HSPA12A: variants seen among roughly 807,000 people sequenced by gnomAD.
The protein encoded by HSPA12A is heat shock protein family A (Hsp70) member 12A.
A neutral mutation model predicts 69.2 loss-of-function variants in HSPA12A; 28 were observed. The ratio of observed to expected loss-of-function variants is 0.40; its 90% CI spans 0.30 to 0.55. The LOEUF (loss-of-function observed/expected upper bound fraction) is 0.55. HSPA12A is among the 20% of genes least tolerant of loss of function. HSPA12A has a pLI of 0.38. For missense variants in HSPA12A, 686 were observed against 900.7 expected, an observed-to-expected ratio of 0.76 and a Z score of 3.05; for synonymous variants, 345 against 370.5, an observed-to-expected ratio of 0.93 and a Z score of 0.79.
chr10:116,781,856 C>T (rs1844471815), intron 2 of HSPA12A, among the ~76,000 whole-genome samples: 1 of 152,120 alleles, frequency 6.6e-6, no homozygotes. Context: ...TAAAACAAGT[C>T]TTCAAACATG....
chr10:116,816,272 C>T (rs531473220), intron 2 of HSPA12A, among the ~76,000 whole-genome samples: 4 of 152,332 alleles, frequency 2.6e-5, no homozygotes, highest in Admixed American at 6.5e-5. Flanking sequence ...CCCTGACAGA[C>T]GAGTGACTAT....
chr10:116,702,668 G>A (rs529767287), intron 3 of HSPA12A, among the ~76,000 whole-genome samples: 1 of 152,272 alleles, frequency 6.6e-6, no homozygotes, highest in Admixed American at 6.5e-5. Flanking sequence ...GTCATTAACA[G>A]TGACATTATC....
At chr10:116,787,421 T>C (rs942901022) in intron 2 of HSPA12A, among the ~76,000 whole-genome samples, 3 of 119,330 alleles carry the variant, frequency 2.5e-5, no homozygotes, top group Non-Finnish European at 4.8e-5. Flanking sequence ...ATCCACATAC[T>C]AGAATACTCT....
At chr10:116,762,887 C>A (rs1166023656) in intron 2 of HSPA12A, among the ~76,000 whole-genome samples, 1 of 152,168 alleles carries the variant, frequency 6.6e-6, no homozygotes, top group Non-Finnish European at 1.5e-5. Context: ...TCCTCTTACT[C>A]TTTCAAAATT....
chr10:116,757,640 G>A (rs1003929210), intron 2 of HSPA12A, among the ~76,000 whole-genome samples: 2 of 152,200 alleles, frequency 1.3e-5, no homozygotes, highest in Non-Finnish European at 2.9e-5. Flanking sequence ...TAAGAGCACT[G>A]GCCTGGGTTT....
At chr10:116,742,687 A>G, upstream of HSPA12A, 1 of 791,374 alleles carries the variant, frequency 1.3e-6, no homozygotes, top group Non-Finnish European at 1.5e-6. Flanking sequence ...CGGCCGGGAA[A>G]GGTCGGGGAA....
intron 2 of HSPA12A, among the ~76,000 whole-genome samples, chr10:116,814,524 T>TAATG (rs1687411255): frequency 6.6e-6 from 1 of 152,152 alleles, no homozygotes; most frequent in African/African-American, 2.4e-5. Flanking sequence ...CTCCAGCCAA[T>TAATG]AATGGGTTTG....
rs12777105 is a variant in HSPA12A at position 116,811,763 on chromosome 10, T to A, written c.91+23172A>T. 1.3e-5 allele frequency among the ~76,000 whole-genome samples: 2 copies of A among 152,018 alleles called. 1 individual carries two copies. The highest frequency in any genetic ancestry group is 4.2e-4 in the South Asian group (2 of 4,814). ...TCTGCCCATGACCTCTGCACCCGGGTTTTCCCATATGTCAACTGGTTGTAA... is the reference window on the plus strand; with the variant it reads ...TCTGCCCATGACCTCTGCACCCGGGATTTCCCATATGTCAACTGGTTGTAA... On this transcript the variant is annotated intron_variant, in intron 2 of 12. Coordinates refer to the HSPA12A transcript ENST00000635765.
intron 2 of HSPA12A, among the ~76,000 whole-genome samples, chr10:116,797,443 G>C (rs1182430393): frequency 1.3e-5 from 2 of 152,066 alleles, no homozygotes; most frequent in Non-Finnish European, 2.9e-5. Flanking sequence ...CTTACTCCAG[G>C]AGCCTCACAG....
At chr10:116,768,965 C>T (rs534330029) in intron 2 of HSPA12A, among the ~76,000 whole-genome samples, 31 of 152,266 alleles carry the variant, frequency 2.0e-4, no homozygotes, top group African/African-American at 7.0e-4. Context: ...TTCCTGTGAG[C>T]ACACTCTCTC....
At position 116,683,747 on chromosome 10, in the gene HSPA12A, G is replaced by C. The variant is rs782729536; in HGVS notation, c.835+44C>G. 2.1e-6 allele frequency: 3 copies of C among 1,456,438 alleles called. No individual in the cohort carries two copies. The African/African-American group carries it at 4.2e-5, about 20-fold the overall frequency. The allele number at this position is 1,456,438 out of a possible 1,614,324, so 90.2% of individuals were successfully genotyped here. On this transcript the variant is annotated intron_variant, in intron 7 of 11. Transcript: ENST00000369209. ...AGAGGGAGAGAGACATCCAGGGCTTGGGAAGGAAGGAGAGCAGGAGGGGGA... is the reference window on the plus strand; with the variant it reads ...AGAGGGAGAGAGACATCCAGGGCTTCGGAAGGAAGGAGAGCAGGAGGGGGA...
intron 2 of HSPA12A, chr10:116,832,816 T>C (rs1221550698): frequency 1.3e-5 from 2 of 152,238 alleles, no homozygotes; most frequent in Non-Finnish European, 1.5e-5. Flanking sequence ...ACCTGATATA[T>C]GCCAGGTATT....
intron 1 of HSPA12A, among the ~76,000 whole-genome samples, chr10:116,846,131 T>G (rs1564838840): frequency 6.6e-6 from 1 of 152,122 alleles, no homozygotes; most frequent in East Asian, 1.9e-4. Context: ...GTTGATTGAG[T>G]GAATGACAGA....
chr10:116,801,084 C>T (rs1844945829), intron 2 of HSPA12A, among the ~76,000 whole-genome samples: 1 of 152,088 alleles, frequency 6.6e-6, no homozygotes, highest in Non-Finnish European at 1.5e-5. Flanking sequence ...TTCTGTAAAA[C>T]CTACAATTTT....
intron 1 of HSPA12A, among the ~76,000 whole-genome samples, chr10:116,716,755 G>T (rs868977970): frequency 6.6e-6 from 1 of 152,072 alleles, no homozygotes; most frequent in Non-Finnish European, 1.5e-5. Context: ...TGAGCCTGGG[G>T]ACACTGCCTC....
intron 2 of HSPA12A, among the ~76,000 whole-genome samples, chr10:116,705,893 C>CTT (rs369606540): frequency 0.032 from 3,724 of 115,604 alleles, 236 homozygotes; most frequent in African/African-American, 0.1. Flanking sequence ...TCTCTCTCTC[C>CTT]TTTTTTTTTT....
At chr10:116,689,018 T>C (rs1444094294) in intron 6 of HSPA12A, among the ~76,000 whole-genome samples, 2 of 152,152 alleles carry the variant, frequency 1.3e-5, no homozygotes, top group Non-Finnish European at 2.9e-5. Context: ...GTTTAACCCA[T>C]CTTTTCAACA....
exon 2 of HSPA12A, chr10:116,834,977 T>C: frequency 8.1e-7 from 1 of 1,231,750 alleles, no homozygotes; most frequent in Non-Finnish European, 1.0e-6. Context: ...TTCATTTTGT[T>C]CTTTGCTTTA....
intron 6 of HSPA12A, 74 bp downstream of exon 6, chr10:116,692,277 G>A (rs1233655256): frequency 2.9e-5 from 33 of 1,127,560 alleles, no homozygotes; most frequent in Admixed American, 1.8e-4. Flanking sequence ...GTACCTGGGC[G>A]GGGCTACAGT....
Sources: gnomAD v4.1 joint callset for allele counts (sites outside exome capture counted in the v4.1 genomes callset) on GRCh38, gnomAD v4.1.1 for gene constraint, MANE v1.5 for transcripts, NCBI Gene and HGNC (gene_info 2026-07-23, HGNC 2026-07-21) for gene names.